SBNO1: variants seen among roughly 807,000 people sequenced by gnomAD.
SBNO1 encodes strawberry notch homolog 1.
Under a neutral mutation model 173.6 loss-of-function variants are expected in SBNO1, and 23 were observed. The ratio of observed to expected loss-of-function variants is 0.13; its 90% CI spans 0.10 to 0.19. SBNO1 has a LOEUF of 0.19. Among genes scored for constraint, SBNO1 ranks in the 10% least tolerant of loss-of-function variants. The pLI is 1.00. For missense variants in SBNO1, 1,238 were observed against 1,671.2 expected (o/e 0.74, Z 4.52); for synonymous variants, 632 against 571.5 (o/e 1.11, Z -1.51).
chr12:123,358,742 C>CAAAAAAAAAAAA (rs1164585887), intron 1 of SBNO1, among the ~76,000 whole-genome samples: 2 of 78,426 alleles, frequency 2.6e-5, no homozygotes, highest in African/African-American at 1.1e-4. Flanking sequence ...GACTCCGTCT[C>CAAAAAAAAAAAA]AAAAAAAAAA....
At position 123,331,554 on chromosome 12, in the gene SBNO1, C is replaced by T. The variant is rs538834891; in HGVS notation, c.910-179G>A. ...GATTTTTTTTTGAGACGGAGTCTCG[C>T]TCTGTCGCCCAGGTTGGAGTGCAGT... On this transcript the variant is annotated intron_variant, in intron 7 of 31. Transcript: ENST00000602398. Among the ~76,000 whole-genome samples, 27 of 152,242 alleles carry T rather than the reference C, an allele frequency of 1.8e-4. No individual in the cohort carries two copies. In the East Asian group the frequency reaches 5.2e-3, roughly 29 times the overall value.
At chr12:123,335,675 A>G (rs1389783639) in intron 6 of SBNO1, among the ~76,000 whole-genome samples, 1 of 152,218 alleles carries the variant, frequency 6.6e-6, no homozygotes, top group Non-Finnish European at 1.5e-5. Context: ...TAATAAGTAA[A>G]CCAATAAACA....
rs1188841786 is a variant in SBNO1, at chr12:123,363,323, C to T, written c.-1+1378G>A. Among the ~76,000 whole-genome samples the T allele has an allele frequency of 3.9e-5, 6 of 152,144 alleles. No homozygotes were observed. In the South Asian group the frequency reaches 1.0e-3, roughly 26 times the overall value. On this transcript the variant is annotated intron_variant, in intron 1 of 31. Coordinates refer to ENST00000602398, the MANE Select transcript of SBNO1 (RefSeq NM_001167856.3). ...TGTGCAACGATGATAGCTTTCCCTA[C>T]GCTTATGAAAATCAATTCTGATTGC...
At chr12:123,309,916 C>T (rs2049011479) in intron 25 of SBNO1, 60 bp from the exon 26 acceptor site, 6 of 1,334,434 alleles carry the variant, frequency 4.5e-6, no homozygotes, top group Non-Finnish European at 4.2e-6. Context: ...TTTTATTCAT[C>T]TAGGCTTAGT....
rs776924957 is a variant in SBNO1 at position 123,302,846 on chromosome 12, C to T, written c.3823G>A (p.Asp1275Asn). Residue 1275 changes from aspartate to asparagine, a missense_variant, in exon 30 of 32, where the codon GAT becomes AAT. This residue lies in a region of SBNO1 where 351 missense variants were observed against 420.3 expected (regional missense o/e 0.84). Coordinates refer to ENST00000602398, the MANE Select transcript of SBNO1 (RefSeq NM_001167856.3). ...AACCAATAAGCATGAGTACAAGTAT[C>T]TGCAGATGAATTATACTGATCTAAC... ...HWLDQYNSSA[D>N]TCTHAYWRGN... 3 of 1,613,334 alleles carry T rather than the reference C, an allele frequency of 1.9e-6. No individual in the cohort carries two copies. Among genetic ancestry groups the T allele is most frequent in the Admixed American group, 3.3e-5 (2 of 59,898 alleles).
chr12:123,352,288 G>A (rs529898437), intron 1 of SBNO1, among the ~76,000 whole-genome samples: 27 of 152,302 alleles, frequency 1.8e-4, no homozygotes, highest in African/African-American at 5.8e-4. Flanking sequence ...GTTTCATGAT[G>A]TCCTACAAAA....
chr12:123,341,192 G>A, intron 4 of SBNO1, 104 bp from the exon 5 acceptor site: 1 of 632,034 alleles, frequency 1.6e-6, no homozygotes, highest in Non-Finnish European at 2.6e-6. Context: ...GCTCACACCT[G>A]TAATCCCAGC....
intron 3 of SBNO1, 81 bp downstream of exon 3, chr12:123,347,948 C>G (rs1380630179): frequency 1.3e-6 from 1 of 794,196 alleles, no homozygotes; most frequent in Non-Finnish European, 2.1e-6. Context: ...ACTACAGGTG[C>G]GAATCACCAC....
chr12:123,351,408 A>C (rs920576591), intron 1 of SBNO1, among the ~76,000 whole-genome samples: 1 of 152,174 alleles, frequency 6.6e-6, no homozygotes, highest in African/African-American at 2.4e-5. Flanking sequence ...TGGAGGTGCA[A>C]GAGGTTAGCT....
intron 6 of SBNO1, among the ~76,000 whole-genome samples, chr12:123,335,284 C>T (rs962828196): frequency 6.6e-6 from 1 of 152,210 alleles, no homozygotes; most frequent in Non-Finnish European, 1.5e-5. Flanking sequence ...ACTAAAAATA[C>T]AAAAATCAGC....
chr12:123,346,995 T>C (rs1296410719), intron 3 of SBNO1, among the ~76,000 whole-genome samples: 1 of 146,444 alleles, frequency 6.8e-6, no homozygotes, highest in Admixed American at 6.9e-5. Flanking sequence ...GAAGAATTGC[T>C]TGAACCCAGG....
chr12:123,340,990 T>A lies in SBNO1; in HGVS notation c.649A>T (p.Met217Leu), dbSNP rs1054367756. ...AGACACAGTTATTTGAAACTCACCATGGTTGGGGAAAAACTCCTCATCTTC... is the reference window on the plus strand; with the variant it reads ...AGACACAGTTATTTGAAACTCACCAAGGTTGGGGAAAAACTCCTCATCTTC... The part of the protein sequence containing the change: ...DMKMRSFSPT[M>L]KVPVVKEDDE... Residue 217 changes from methionine (M) to leucine (L), a missense_variant and splice_region_variant, in exon 5 of 32, where the codon ATG becomes TTG. This residue lies in a region of SBNO1 where 287 missense variants were observed against 274.1 expected (regional missense o/e 1.05). Transcript: ENST00000602398. 3 of 1,552,466 alleles carry A rather than the reference T, an allele frequency of 1.9e-6. No individual in the cohort carries two copies. The highest frequency in any genetic ancestry group is 2.8e-5 in the African/African-American group (2 of 72,726).
At chr12:123,364,186 G>C in intron 1 of SBNO1, 1 of 985,578 alleles carries the variant, frequency 1.0e-6, no homozygotes, top group Non-Finnish European at 1.2e-6. Flanking sequence ...ACCGCGCTGT[G>C]GGGTTCAGAT....
chr12:123,308,269 T>C (rs1167226735), intron 28 of SBNO1, among the ~76,000 whole-genome samples: 1 of 152,104 alleles, frequency 6.6e-6, no homozygotes, highest in African/African-American at 2.4e-5. Context: ...CAGAGACAAA[T>C]CATAACTGAA....
chr12:123,305,109 A>G (rs1343764795), intron 28 of SBNO1, among the ~76,000 whole-genome samples: 2 of 152,254 alleles, frequency 1.3e-5, no homozygotes, highest in Non-Finnish European at 2.9e-5. Context: ...TCCAGGCAGT[A>G]GGCATTAGGG....
chr12:123,359,073 T>C (rs1874811494), intron 1 of SBNO1, among the ~76,000 whole-genome samples: 1 of 151,578 alleles, frequency 6.6e-6, no homozygotes, highest in Non-Finnish European at 1.5e-5. Context: ...GCTGGGATTA[T>C]AGGCGCCCAC....
chr12:123,358,679 C>A (rs1255775126), intron 1 of SBNO1, among the ~76,000 whole-genome samples: 2 of 134,696 alleles, frequency 1.5e-5, no homozygotes, highest in African/African-American at 5.7e-5. Context: ...GGAGGCAGAG[C>A]TTGCAGTGAG....
At chr12:123,317,046 C>T (rs983100406) in intron 21 of SBNO1, among the ~76,000 whole-genome samples, 175 bp downstream of exon 21, 7 of 152,178 alleles carry the variant, frequency 4.6e-5, no homozygotes, top group African/African-American at 1.7e-4. Context: ...CTGCGTTGAC[C>T]AGGCTGGTCT....
chr12:123,296,811 G>A (rs1308503814), intron 31 of SBNO1, among the ~76,000 whole-genome samples: 2 of 151,376 alleles, frequency 1.3e-5, no homozygotes, highest in Middle Eastern at 3.2e-3. Context: ...CACCTGCCTC[G>A]GCCTCCCAAA....
Sources: allele counts gnomAD v4.1 joint callset (sites outside exome capture counted in the v4.1 genomes callset), GRCh38; gene constraint gnomAD v4.1.1; regional missense constraint gnomAD v4.1.1; transcripts MANE v1.5; gene names NCBI Gene and HGNC (gene_info 2026-07-23, HGNC 2026-07-21).